The following EYS variants were observed in gnomAD, a reference collection of about 807,000 sequenced individuals.
EYS encodes the protein protein eyes shut homolog.
EYS carries 250 observed loss-of-function variants against 282.1 expected under a neutral mutation model. The observed-to-expected ratio is 0.89, with a 90% CI of 0.80 to 0.98. The LOEUF is 0.98. Ranked by LOEUF, EYS falls within the 50% of genes least tolerant of loss-of-function variation. The pLI is 0.00. For missense variants in EYS, 4,016 were observed against 3,709.0 expected (o/e 1.08, Z -2.15); for synonymous variants, 1,355 against 1,282.9 (o/e 1.06, Z -1.20).
At chr6:65,011,731 G>A (rs1360860511) in intron 13 of EYS, among the ~76,000 whole-genome samples, 1 of 152,144 alleles carries the variant, frequency 6.6e-6, no homozygotes, top group African/African-American at 2.4e-5. Context: ...TAAACAAGAG[G>A]CTTGCAACTT....
chr6:65,361,248 G>A (rs527450777), intron 8 of EYS, among the ~76,000 whole-genome samples: 1 of 151,988 alleles, frequency 6.6e-6, no homozygotes, highest in Admixed American at 6.6e-5. Flanking sequence ...AGCATTTGGA[G>A]GTATACTTAA....
chr6:65,120,772 C>T (rs1404924407), intron 12 of EYS, among the ~76,000 whole-genome samples: 1 of 152,096 alleles, frequency 6.6e-6, no homozygotes, highest in Admixed American at 6.6e-5. Flanking sequence ...CTTTTCTTCC[C>T]CATCTCCTTT....
At chr6:63,868,657 C>T (rs1772727281) in intron 35 of EYS, among the ~76,000 whole-genome samples, 1 of 152,130 alleles carries the variant, frequency 6.6e-6, no homozygotes, top group Non-Finnish European at 1.5e-5. Flanking sequence ...CTGATAGCAC[C>T]ACAGCCCAGG....
chr6:64,428,646 T>C (rs1433550346), intron 28 of EYS, among the ~76,000 whole-genome samples: 1 of 152,178 alleles, frequency 6.6e-6, no homozygotes, highest in Non-Finnish European at 1.5e-5. Context: ...TACATTTGTA[T>C]GGCTCAGTAA....
rs1315236223 is a variant in EYS, at chr6:64,941,556, C to T, written c.2381+4237G>A. On this transcript the variant is annotated intron_variant, in intron 15 of 42. Transcript: ENST00000503581. ...TTTGGGGTACAAATGATCCCATCAC[C>T]CAGGTAGTGAGCATAGTATCCAACA... 2.0e-5 allele frequency among the ~76,000 whole-genome samples: 3 copies of T among 152,050 alleles called. No homozygotes were observed. In the East Asian group the frequency reaches 5.8e-4, roughly 30 times the overall value.
intron 36 of EYS, among the ~76,000 whole-genome samples, chr6:63,830,808 G>C (rs1771610660): frequency 1.3e-5 from 2 of 152,196 alleles, no homozygotes; most frequent in Non-Finnish European, 2.9e-5. Flanking sequence ...GTTAAGGGCA[G>C]CCAGAGAGAA....
At chr6:63,934,100 GA>G (rs1234597459) in intron 35 of EYS, among the ~76,000 whole-genome samples, 1 of 152,178 alleles carries the variant, frequency 6.6e-6, no homozygotes, top group Non-Finnish European at 1.5e-5. Flanking sequence ...GATATGAACA[GA>G]CACTTCTCAA....
chr6:65,331,245 T>C (rs964254717), intron 11 of EYS: 1 of 669,892 alleles, frequency 1.5e-6, no homozygotes, highest in African/African-American at 1.9e-5. Flanking sequence ...ATTAATATTT[T>C]AGCTAATTTA....
At chr6:64,999,823 A>T (rs1771405284) in intron 13 of EYS, among the ~76,000 whole-genome samples, 1 of 152,126 alleles carries the variant, frequency 6.6e-6, no homozygotes, top group Non-Finnish European at 1.5e-5. Flanking sequence ...GGGCAGTCAG[A>T]GGGGAGCCCA....
intron 1 of EYS, among the ~76,000 whole-genome samples, chr6:65,671,245 C>T (rs1033689382): frequency 1.3e-4 from 19 of 151,886 alleles, no homozygotes; most frequent in Admixed American, 3.3e-4. Flanking sequence ...TGAAACAGAA[C>T]GATCAAATTT....
intron 28 of EYS, among the ~76,000 whole-genome samples, chr6:64,417,884 C>T (rs994281564): frequency 3.3e-5 from 5 of 152,010 alleles, no homozygotes; most frequent in Non-Finnish European, 7.4e-5. Flanking sequence ...ATAGGCCAGG[C>T]TAGTCTTGAA....
chr6:63,989,297 G>A (rs968315382), intron 34 of EYS, among the ~76,000 whole-genome samples: 2 of 151,432 alleles, frequency 1.3e-5, no homozygotes, highest in African/African-American at 2.4e-5. Flanking sequence ...ATTAAGTTTT[G>A]GAATAAAGGT....
rs183371085 is a variant in EYS at position 63,946,809 on chromosome 6, T to G, written c.7055+37574A>C. Among the ~76,000 whole-genome samples, 5 of 151,708 alleles carry G rather than the reference T, an allele frequency of 3.3e-5. No homozygotes were observed. In the East Asian group the frequency reaches 9.7e-4, roughly 29 times the overall value. On this transcript the variant is annotated intron_variant, in intron 35 of 42. Transcript: ENST00000503581. Reference sequence around the variant, plus strand: ...GAATAAAATATCTTTTTAGAAACTTTGAAGCACCAGATCTTTAAGGATTCT... The same window carrying G: ...GAATAAAATATCTTTTTAGAAACTTGGAAGCACCAGATCTTTAAGGATTCT...
At chr6:64,452,909 T>C (rs951411066) in intron 26 of EYS, among the ~76,000 whole-genome samples, 1 of 152,024 alleles carries the variant, frequency 6.6e-6, no homozygotes, top group Admixed American at 6.6e-5. Context: ...AAAAACCCTA[T>C]AAGAAAACCT....
intron 22 of EYS, among the ~76,000 whole-genome samples, chr6:64,786,289 G>T (rs1033439725): frequency 6.6e-6 from 1 of 151,774 alleles, no homozygotes; most frequent in Non-Finnish European, 1.5e-5. Context: ...CAGAGACAGA[G>T]GGGTGGGCAC....
At chr6:65,381,437 A>C (rs1765607240) in intron 8 of EYS, among the ~76,000 whole-genome samples, 1 of 151,986 alleles carries the variant, frequency 6.6e-6, no homozygotes, top group African/African-American at 2.4e-5. Flanking sequence ...GGAGATAGGG[A>C]GGGAAATATC....
At chr6:65,313,747 G>A (rs902166491) in intron 11 of EYS, among the ~76,000 whole-genome samples, 3 of 152,088 alleles carry the variant, frequency 2.0e-5, no homozygotes, top group Non-Finnish European at 4.4e-5. Flanking sequence ...CCTTGTAATT[G>A]CCTCCTAACT....
intron 2 of EYS, among the ~76,000 whole-genome samples, chr6:65,631,273 G>T (rs1316745893): frequency 6.6e-6 from 1 of 152,172 alleles, no homozygotes; most frequent in African/African-American, 2.4e-5. Flanking sequence ...TCTGTCTGGA[G>T]GATGGGGCTG....
chr6:65,678,028 G>A (rs896457908), intron 1 of EYS, among the ~76,000 whole-genome samples: 6 of 152,010 alleles, frequency 3.9e-5, no homozygotes, highest in African/African-American at 1.4e-4. Flanking sequence ...AAATGGTTCT[G>A]CAGGCTGTAC....
Sources: allele counts gnomAD v4.1 joint callset (sites outside exome capture counted in the v4.1 genomes callset), GRCh38; gene constraint gnomAD v4.1.1; transcripts MANE v1.5; gene names NCBI Gene and HGNC (gene_info 2026-07-23, HGNC 2026-07-21).